Variants in TRMT11 observed in about 807,000 individuals in gnomAD.
TRMT11 encodes the protein tRNA (guanine(10)-N(2))-methyltransferase TRMT11.
In TRMT11, 53 loss-of-function variants were observed where a neutral mutation model predicts 62.8. The ratio of observed to expected loss-of-function variants is 0.84; its 90% CI spans 0.68 to 1.06. The LOEUF is 1.06. TRMT11 is among the 50% of genes least tolerant of loss of function. TRMT11 has a pLI of 0.00. For missense variants in TRMT11, 556 were observed against 553.4 expected (o/e 1.00, Z -0.05); for synonymous variants, 188 against 190.3 (o/e 0.99, Z 0.10).
intron 17 of TRMT11, among the ~76,000 whole-genome samples, chr6:126,092,476 A>T (rs1436519440): frequency 2.0e-5 from 3 of 152,120 alleles, no homozygotes; most frequent in Non-Finnish European, 4.4e-5. Flanking sequence ...TATGGGGGAA[A>T]CCGCCCCCAT....
At chr6:126,042,996 G>A (rs922901429), downstream of TRMT11, among the ~76,000 whole-genome samples, 3 of 151,926 alleles carry the variant, frequency 2.0e-5, no homozygotes, top group South Asian at 6.2e-4. Flanking sequence ...AGTGACTTCT[G>A]CACAAAGAGC....
chr6:126,045,713 G>T (rs1331719390), intron 16 of TRMT11, among the ~76,000 whole-genome samples: 2 of 152,078 alleles, frequency 1.3e-5, no homozygotes, highest in East Asian at 1.9e-4. Context: ...ATCCTGAGTG[G>T]GCTGAAGGGT....
At position 126,008,404 on chromosome 6, in the gene TRMT11, T is replaced by A. The variant is rs1230083192; in HGVS notation, c.692T>A (p.Ile231Lys). ...TGTGATTTTTCAGGTGGCCTGCTGA[T>A]AGCATGTGCTCATTTTGGTGCATAT... Reference protein sequence around the residue: ...DPFVGTGGLLIACAHFGAYVY... With the variant: ...DPFVGTGGLLKACAHFGAYVY... Residue 231 changes from isoleucine (I) to lysine (K), a missense_variant, in exon 8 of 13, where the codon ATA becomes AAA. Coordinates refer to ENST00000334379, the MANE Select transcript of TRMT11 (RefSeq NM_001031712.3). 1.2e-6 allele frequency: 2 copies of A among 1,612,990 alleles called. No homozygotes were observed. The highest frequency in any genetic ancestry group is 1.7e-6 in the Non-Finnish European group (2 of 1,179,214).
intron 17 of TRMT11, among the ~76,000 whole-genome samples, chr6:126,087,776 C>T (rs1280342538): frequency 6.6e-6 from 1 of 152,214 alleles, no homozygotes; most frequent in Non-Finnish European, 1.5e-5. Flanking sequence ...CAACGTATTA[C>T]ACATCCCAAA....
intron 17 of TRMT11, among the ~76,000 whole-genome samples, chr6:126,054,171 A>G (rs1776301668): frequency 1.3e-5 from 2 of 152,162 alleles, no homozygotes; most frequent in South Asian, 2.1e-4. Context: ...ATTTCTTTCA[A>G]AATGGTGTCC....
intron 21 of TRMT11, among the ~76,000 whole-genome samples, chr6:126,150,295 G>A (rs951248476): frequency 2.0e-5 from 3 of 152,152 alleles, no homozygotes; most frequent in East Asian, 1.9e-4. Context: ...TTTACCAGAT[G>A]TGTCTCCTCA....
intron 17 of TRMT11, among the ~76,000 whole-genome samples, chr6:126,096,051 G>A (rs1777336155): frequency 6.6e-6 from 1 of 152,170 alleles, no homozygotes; most frequent in South Asian, 2.1e-4. Context: ...TTTGGGTTTT[G>A]TTCTGCAGAA....
intron 11 of TRMT11, 116 bp downstream of exon 11, chr6:126,013,217 T>A (rs1794502373): frequency 2.1e-6 from 2 of 948,238 alleles, no homozygotes; most frequent in South Asian, 3.6e-5. Context: ...TAATTTGTAA[T>A]AGCCTTTGTT....
intron 17 of TRMT11, among the ~76,000 whole-genome samples, chr6:126,071,855 A>T (rs977825846): frequency 6.6e-6 from 1 of 152,158 alleles, no homozygotes; most frequent in Non-Finnish European, 1.5e-5. Context: ...CATGGATCAG[A>T]ATCATCTCGA....
At chr6:126,038,359 A>G (rs1775554384) in intron 12 of TRMT11, among the ~76,000 whole-genome samples, 1 of 150,068 alleles carries the variant, frequency 6.7e-6, no homozygotes, top group African/African-American at 2.5e-5. Flanking sequence ...AGATGACTTC[A>G]GTGTGTGCTG....
At chr6:126,071,012 G>A (rs1448246775) in intron 17 of TRMT11, among the ~76,000 whole-genome samples, 1 of 152,326 alleles carries the variant, frequency 6.6e-6, no homozygotes, top group East Asian at 1.9e-4. Context: ...TTCGGAGTTG[G>A]TGGGACCTGA....
chr6:126,186,306 A>C (rs6915984), intron 1 of TRMT11, among the ~76,000 whole-genome samples: 17,076 of 152,148 alleles, frequency 0.11, 3,178 homozygotes, highest in African/African-American at 0.39. Flanking sequence ...ATTTTATCTA[A>C]ATTCAAGATA....
At chr6:126,132,829 G>C (rs140249553) in intron 21 of TRMT11, among the ~76,000 whole-genome samples, 1 of 152,152 alleles carries the variant, frequency 6.6e-6, no homozygotes, top group East Asian at 1.9e-4. Flanking sequence ...TGTAGTAGAA[G>C]AGCTCAGGTA....
the TRMT11 span, among the ~76,000 whole-genome samples, chr6:126,214,620 C>G: frequency 1.3e-5 from 2 of 151,786 alleles, no homozygotes; most frequent in East Asian, 3.9e-4. Flanking sequence ...TGAGTCTTCT[C>G]TCTTTTTTTC....
chr6:126,037,768 T>A (rs961312567), intron 12 of TRMT11, among the ~76,000 whole-genome samples: 2 of 152,012 alleles, frequency 1.3e-5, no homozygotes, highest in Non-Finnish European at 2.9e-5. Flanking sequence ...GCAAAAATAT[T>A]TTTGCAAAAA....
intron 16 of TRMT11, among the ~76,000 whole-genome samples, chr6:126,046,601 T>C (rs1268692935): frequency 6.6e-6 from 1 of 152,104 alleles, no homozygotes; most frequent in East Asian, 1.9e-4. Context: ...CTGAATATGC[T>C]GGGGGACTTT....
chr6:126,072,604 TAGTTC>T (rs757849957), intron 17 of TRMT11, among the ~76,000 whole-genome samples: 2 of 152,224 alleles, frequency 1.3e-5, no homozygotes, highest in Admixed American at 6.5e-5. Context: ...ATGTGTATCT[TAGTTC>T]AGTTCAGGCT....
the TRMT11 span, among the ~76,000 whole-genome samples, chr6:126,234,371 A>T: frequency 3.3e-5 from 5 of 152,270 alleles, no homozygotes; most frequent in Non-Finnish European, 4.4e-5. Context: ...TACTATTTTC[A>T]TATTTATTTA....
At chr6:126,023,339 GCCATTCC>G (rs1350457598) in intron 12 of TRMT11, among the ~76,000 whole-genome samples, 9 of 152,144 alleles carry the variant, frequency 5.9e-5, no homozygotes, top group Middle Eastern at 3.4e-3. Flanking sequence ...ACCAATACTG[GCCATTCC>G]TTCTCTAAAA....
Sources: gnomAD v4.1 joint callset for allele counts (sites outside exome capture counted in the v4.1 genomes callset) on GRCh38, gnomAD v4.1.1 for gene constraint, MANE v1.5 for transcripts, NCBI Gene and HGNC (gene_info 2026-07-23, HGNC 2026-07-21) for gene names.